Variants in IMMP2L observed in about 807,000 individuals in gnomAD.
IMMP2L encodes mitochondrial inner membrane protease subunit 2.
In IMMP2L, 18 loss-of-function variants were observed where a neutral mutation model predicts 19.3. The observed-to-expected ratio is 0.93, with a 90% CI of 0.64 to 1.38. The LOEUF is 1.38. IMMP2L is among the 40% of genes most tolerant of loss of function. The pLI is 0.00. For missense variants in IMMP2L, 233 were observed against 218.2 expected (o/e 1.07, Z -0.43); for synonymous variants, 76 against 73.0 (o/e 1.04, Z -0.21).
At chr7:111,097,287 T>G (rs1797504139) in intron 3 of IMMP2L, 1 of 151,892 alleles carries the variant, frequency 6.6e-6, no homozygotes, top group East Asian at 1.9e-4. Flanking sequence ...TTAAGCCCCC[T>G]AACGTGAAGC....
chr7:111,045,871 TAATTTGCTATAACAGC>T (rs1279271261), intron 3 of IMMP2L, among the ~76,000 whole-genome samples: 2 of 152,358 alleles, frequency 1.3e-5, no homozygotes, highest in African/African-American at 4.8e-5. Context: ...AAGTTTGTGT[TAATTTGCTATAACAGC>T]AATTTGAAAC....
chr7:110,747,764 G>A (rs767580505), intron 5 of IMMP2L, among the ~76,000 whole-genome samples: 6 of 151,778 alleles, frequency 4.0e-5, no homozygotes, highest in Admixed American at 2.0e-4. Context: ...TAATAAACAC[G>A]ATTTATGACA....
At chr7:111,359,506 T>C (rs143697493) in intron 3 of IMMP2L, among the ~76,000 whole-genome samples, 1,581 of 152,098 alleles carry the variant, frequency 0.01, 31 homozygotes, top group African/African-American at 0.036. Flanking sequence ...TTCACCATAT[T>C]GGCCCATCTG....
intron 3 of IMMP2L, among the ~76,000 whole-genome samples, chr7:111,307,652 T>C (rs892890021): frequency 2.0e-5 from 3 of 151,656 alleles, no homozygotes; most frequent in African/African-American, 7.2e-5. Context: ...TATTTTCAAG[T>C]TACTATGTTC....
chr7:110,814,569 A>G (rs1040764923), intron 5 of IMMP2L, among the ~76,000 whole-genome samples: 13 of 151,046 alleles, frequency 8.6e-5, no homozygotes, highest in Non-Finnish European at 1.9e-4. Flanking sequence ...TATATGCTTC[A>G]TATTTACCAG....
intron 3 of IMMP2L, among the ~76,000 whole-genome samples, chr7:111,429,870 C>T (rs749894761): frequency 8.6e-5 from 13 of 151,544 alleles, no homozygotes; most frequent in Non-Finnish European, 1.6e-4. Flanking sequence ...CAAATGCAGA[C>T]CCAAAAATCA....
chr7:111,241,495 G>C (rs1815031302), intron 3 of IMMP2L, among the ~76,000 whole-genome samples: 1 of 151,786 alleles, frequency 6.6e-6, no homozygotes, highest in Non-Finnish European at 1.5e-5. Context: ...CAAATAAAAT[G>C]CTTAACAAAA....
intron 3 of IMMP2L, among the ~76,000 whole-genome samples, chr7:111,094,829 C>G (rs567723481): frequency 6.6e-6 from 1 of 152,118 alleles, no homozygotes; most frequent in Non-Finnish European, 1.5e-5. Flanking sequence ...AAGACAGTAG[C>G]TGGTGCCAGA....
At chr7:111,168,955 T>C (rs1049264379) in intron 3 of IMMP2L, among the ~76,000 whole-genome samples, 2 of 151,980 alleles carry the variant, frequency 1.3e-5, no homozygotes, top group South Asian at 2.1e-4. Context: ...GGTGTCTTCA[T>C]GTAATAGTGA....
intron 5 of IMMP2L, among the ~76,000 whole-genome samples, chr7:110,756,304 G>T (rs1357977698): frequency 6.6e-6 from 1 of 152,078 alleles, no homozygotes; most frequent in Admixed American, 6.6e-5. Context: ...AAAGAGGTTT[G>T]TCTTTAGAGA....
chr7:110,834,937 A>T (rs1403561219), intron 5 of IMMP2L, among the ~76,000 whole-genome samples: 1 of 152,114 alleles, frequency 6.6e-6, no homozygotes, highest in Non-Finnish European at 1.5e-5. Context: ...CCATGTAACC[A>T]ATCACCCTCA....
chr7:110,847,208 A>G (rs1805753702), intron 5 of IMMP2L, among the ~76,000 whole-genome samples: 1 of 152,170 alleles, frequency 6.6e-6, no homozygotes, highest in South Asian at 2.1e-4. Flanking sequence ...TTACAGGACT[A>G]TTTCAATAAG....
intron 5 of IMMP2L, among the ~76,000 whole-genome samples, chr7:110,774,317 C>T (rs867516906): frequency 1.3e-5 from 2 of 151,956 alleles, no homozygotes; most frequent in African/African-American, 2.4e-5. Flanking sequence ...TGCTGCAAAC[C>T]GCATCAAGCA....
At chr7:110,866,216 A>G (rs1807963649) in intron 5 of IMMP2L, among the ~76,000 whole-genome samples, 1 of 151,864 alleles carries the variant, frequency 6.6e-6, no homozygotes, top group African/African-American at 2.4e-5. Flanking sequence ...AATTGGGGTG[A>G]AGAGAAGAAA....
intron 3 of IMMP2L, among the ~76,000 whole-genome samples, chr7:111,177,940 T>C (rs900927841): frequency 6.6e-6 from 1 of 152,072 alleles, no homozygotes; most frequent in Non-Finnish European, 1.5e-5. Flanking sequence ...TTTTTTGTTT[T>C]ATTATAAAAA....
chr7:110,759,811 A>T (rs116662957), intron 5 of IMMP2L, among the ~76,000 whole-genome samples: 1,951 of 152,260 alleles, frequency 0.013, 37 homozygotes, highest in African/African-American at 0.044. Context: ...ATAAGAGAGG[A>T]TACAAATGAA....
At chr7:110,922,356 C>T (rs1814384168) in intron 4 of IMMP2L, among the ~76,000 whole-genome samples, 1 of 152,100 alleles carries the variant, frequency 6.6e-6, no homozygotes, top group Non-Finnish European at 1.5e-5. Context: ...TGTCAATTGT[C>T]TATTATGTTC....
intron 2 of IMMP2L, among the ~76,000 whole-genome samples, chr7:111,499,363 T>G (rs1843920631): frequency 6.6e-6 from 1 of 152,150 alleles, no homozygotes; most frequent in Non-Finnish European, 1.5e-5. Flanking sequence ...CTCCAATGAA[T>G]CATATCCCTC....
chr7:111,129,976 A>T (rs939179257), intron 3 of IMMP2L, among the ~76,000 whole-genome samples: 6 of 152,208 alleles, frequency 3.9e-5, no homozygotes, highest in African/African-American at 1.4e-4. Flanking sequence ...TTTACAATAT[A>T]CACAGAAGGC....
Sources: gnomAD v4.1 joint callset for allele counts (sites outside exome capture counted in the v4.1 genomes callset) on GRCh38, gnomAD v4.1.1 for gene constraint, MANE v1.5 for transcripts, NCBI Gene and HGNC (gene_info 2026-07-23, HGNC 2026-07-21) for gene names.